The following NRXN3 variants were observed in gnomAD, a reference collection of about 807,000 sequenced individuals.
The protein encoded by NRXN3 is neurexin III.
NRXN3 carries 32 observed loss-of-function variants against 137.6 expected under a neutral mutation model. The ratio of observed to expected loss-of-function variants is 0.23; its 90% CI spans 0.18 to 0.31. The LOEUF (loss-of-function observed/expected upper bound fraction) is 0.31, where lower values mean the gene tolerates loss of function less well. Among genes scored for constraint, NRXN3 ranks in the 10% least tolerant of loss-of-function variants. The pLI is 1.00. For synonymous variants in NRXN3, 798 were observed against 784.5 expected, an observed-to-expected ratio of 1.02 and a Z score of -0.29; for missense variants, 1,574 against 2,062.5, an observed-to-expected ratio of 0.76 and a Z score of 4.59.
rs116988250 is a variant in NRXN3, at chr14:79,789,671, G to A, written c.4015-15441G>A. On this transcript the variant is annotated intron_variant, in intron 19 of 20. Transcript: ENST00000335750. ...CATGGCATTTGTGAACTGTTATGTC[G>A]CTAATGAGAGTGTAGCAGTGAGGAT... Among the ~76,000 whole-genome samples the A allele has an allele frequency of 1.2e-3, 186 of 152,206 alleles. 2 individuals are homozygous for A. The highest frequency in any genetic ancestry group is 8.3e-3 in the East Asian group (43 of 5,158).
intron 2 of NRXN3, among the ~76,000 whole-genome samples, chr14:78,274,152 A>G (rs1174161275): frequency 6.6e-6 from 1 of 152,184 alleles, no homozygotes; most frequent in East Asian, 1.9e-4. Flanking sequence ...CAAGTGCAAT[A>G]GTGGTGAATG....
chr14:79,126,175 T>A lies in NRXN3; in HGVS notation c.3262+138034T>A, dbSNP rs181873253. Among the ~76,000 whole-genome samples the A allele has an allele frequency of 8.2e-3, 1,244 of 152,258 alleles. 6 individuals are homozygous for A. The highest frequency in any genetic ancestry group is 0.024 in the Middle Eastern group (7 of 294). ...AGTTCAGAGCATTTATTTATTTTTT[T>A]AAATTTATTATTATTATACTTTAAG... is the stretch of plus-strand genomic sequence containing the variant. On this transcript the variant is annotated intron_variant, in intron 15 of 20. Transcript: ENST00000335750.
chr14:78,292,118 C>T (rs1398503573), intron 3 of NRXN3, among the ~76,000 whole-genome samples: 1 of 152,224 alleles, frequency 6.6e-6, no homozygotes, highest in South Asian at 2.1e-4. Flanking sequence ...ACATCTTCCT[C>T]TTGCCTGTTT....
At chr14:79,482,485 T>C (rs1366473647) in intron 16 of NRXN3, among the ~76,000 whole-genome samples, 1 of 152,212 alleles carries the variant, frequency 6.6e-6, no homozygotes, top group Non-Finnish European at 1.5e-5. Flanking sequence ...TGACAACCAC[T>C]ATAGTTTGTT....
At chr14:78,821,694 TAA>T (rs368393400) in intron 10 of NRXN3, among the ~76,000 whole-genome samples, 1 of 141,496 alleles carries the variant, frequency 7.1e-6, no homozygotes, top group Admixed American at 7.1e-5. Flanking sequence ...GGAAGATGGA[TAA>T]AAAAAAAAAA....
At chr14:78,915,656 A>C (rs1004345778) in intron 10 of NRXN3, among the ~76,000 whole-genome samples, 1 of 152,144 alleles carries the variant, frequency 6.6e-6, no homozygotes, top group South Asian at 2.1e-4. Context: ...TTCAGATCAG[A>C]GTTACCCTCT....
intron 4 of NRXN3, among the ~76,000 whole-genome samples, chr14:78,583,679 A>G (rs151217728): frequency 3.0e-4 from 46 of 152,328 alleles, no homozygotes; most frequent in African/African-American, 1.0e-3. Context: ...GTCTGCATTG[A>G]ATTAGTAGAG....
chr14:78,336,667 G>A (rs1348854155), intron 4 of NRXN3, among the ~76,000 whole-genome samples: 1 of 152,164 alleles, frequency 6.6e-6, no homozygotes, highest in Admixed American at 6.5e-5. Flanking sequence ...TAGAGGTTGA[G>A]TGACTCATCT....
intron 10 of NRXN3, among the ~76,000 whole-genome samples, chr14:78,845,140 T>A (rs2099023131): frequency 6.6e-6 from 1 of 152,112 alleles, no homozygotes; most frequent in Non-Finnish European, 1.5e-5. Flanking sequence ...ATCCACATTT[T>A]ACAGAATTAT....
At chr14:79,636,411 T>C (rs2098403813) in intron 16 of NRXN3, among the ~76,000 whole-genome samples, 1 of 152,050 alleles carries the variant, frequency 6.6e-6, no homozygotes, top group Non-Finnish European at 1.5e-5. Context: ...TTTGTTTTTC[T>C]TTTTTTGTTT....
At chr14:79,323,977 T>C (rs748103270) in intron 15 of NRXN3, among the ~76,000 whole-genome samples, 16 of 152,384 alleles carry the variant, frequency 1.0e-4, no homozygotes, top group Admixed American at 5.9e-4. Context: ...TAAATACCTA[T>C]ATTATTTCTA....
intron 16 of NRXN3, among the ~76,000 whole-genome samples, chr14:79,578,622 C>T (rs902174751): frequency 2.0e-5 from 3 of 152,144 alleles, no homozygotes; most frequent in Admixed American, 6.5e-5. Context: ...AAGATTTCTT[C>T]CTAGAAGCCA....
At chr14:78,194,928 A>G (rs1298646909) in intron 1 of NRXN3, among the ~76,000 whole-genome samples, 1 of 152,148 alleles carries the variant, frequency 6.6e-6, no homozygotes, top group Non-Finnish European at 1.5e-5. Context: ...GCAGATGCAG[A>G]AGTGGCTCAA....
At chr14:79,057,502 A>G (rs1279193285) in intron 15 of NRXN3, among the ~76,000 whole-genome samples, 1 of 152,210 alleles carries the variant, frequency 6.6e-6, no homozygotes, top group Admixed American at 6.5e-5. Context: ...TGTAGAGAGC[A>G]GGAGCCAAAG....
chr14:79,726,976 T>C (rs977105597), intron 19 of NRXN3, among the ~76,000 whole-genome samples: 7 of 152,290 alleles, frequency 4.6e-5, no homozygotes, highest in Middle Eastern at 3.4e-3. Flanking sequence ...ATTTACACTG[T>C]TGGGAAAACT....
rs1213041782 is a variant in NRXN3, at chr14:79,308,889, TA to T, written c.3263-158331del. Among the ~76,000 whole-genome samples the T allele has an allele frequency of 9.9e-3, 1,387 of 139,948 alleles. 23 individuals carry two copies. Among genetic ancestry groups the T allele is most frequent in the African/African-American group, 0.037 (1,313 of 35,854 alleles). The allele number at this position is 139,948 out of a possible 152,430, so 91.8% of individuals were successfully genotyped here. A position where few individuals can be genotyped will look rare whatever the true frequency, so the allele number is the denominator to read the frequency against. ...TGAGTAATTTTATTTTATTTTATTT[TA>T]TTTTTTTTTATTTTATTTATTTATT... On this transcript the variant is annotated intron_variant, in intron 15 of 20. Coordinates refer to ENST00000335750, the MANE Select transcript of NRXN3 (RefSeq NM_001330195.2).
chr14:79,779,408 C>T (rs767463758), intron 19 of NRXN3, among the ~76,000 whole-genome samples: 43 of 152,138 alleles, frequency 2.8e-4, no homozygotes, highest in African/African-American at 6.0e-4. Context: ...CCACCATGCC[C>T]GGCCAATCAA....
chr14:79,400,925 T>G (rs2095175417), intron 15 of NRXN3, among the ~76,000 whole-genome samples: 2 of 152,188 alleles, frequency 1.3e-5, no homozygotes, highest in Non-Finnish European at 2.9e-5. Flanking sequence ...GGGCAGAGAT[T>G]ATCACTGAAC....
At chr14:79,501,366 A>T (rs920052155) in intron 16 of NRXN3, among the ~76,000 whole-genome samples, 2 of 151,934 alleles carry the variant, frequency 1.3e-5, no homozygotes, top group African/African-American at 4.8e-5. Context: ...TTCTGTTTTT[A>T]TTATTAAGCG....
Sources: allele counts gnomAD v4.1 joint callset (sites outside exome capture counted in the v4.1 genomes callset), GRCh38; gene constraint gnomAD v4.1.1; transcripts MANE v1.5; gene names NCBI Gene and HGNC (gene_info 2026-07-23, HGNC 2026-07-21).